DGKB: variants seen among roughly 807,000 people sequenced by gnomAD.
DGKB encodes the protein 90 kDa diacylglycerol kinase.
A neutral mutation model predicts 114.3 loss-of-function variants in DGKB; 67 were observed. The observed-to-expected ratio is 0.59, with a 90% CI of 0.48 to 0.72. The LOEUF (loss-of-function observed/expected upper bound fraction) is 0.72, where lower values mean the gene tolerates loss of function less well. Among genes scored for constraint, DGKB ranks in the 30% least tolerant of loss-of-function variants. The pLI is 0.00. For synonymous variants in DGKB, 398 were observed against 323.1 expected (o/e 1.23, Z -2.49); for missense variants, 907 against 975.2 (o/e 0.93, Z 0.93).
At chr7:14,361,921 G>C (rs1325071347) in intron 21 of DGKB, among the ~76,000 whole-genome samples, 1 of 151,846 alleles carries the variant, frequency 6.6e-6, no homozygotes, top group Admixed American at 6.6e-5. Flanking sequence ...ATTTTAAAAA[G>C]ACCTGTATTT....
intron 23 of DGKB, among the ~76,000 whole-genome samples, chr7:14,308,910 T>C (rs972811645): frequency 3.3e-5 from 5 of 152,208 alleles, no homozygotes; most frequent in African/African-American, 1.2e-4. Flanking sequence ...TCTGAGTTTC[T>C]TCAGCTTCGA....
chr7:14,250,376 TC>T (rs1305728653), intron 23 of DGKB, among the ~76,000 whole-genome samples: 2 of 152,102 alleles, frequency 1.3e-5, no homozygotes, highest in Non-Finnish European at 2.9e-5. Context: ...CTCAATATAT[TC>T]TTTAATTTAC....
chr7:14,472,479 G>A (rs1781564340), intron 21 of DGKB, among the ~76,000 whole-genome samples: 1 of 152,086 alleles, frequency 6.6e-6, no homozygotes. Context: ...TTTGTAAATT[G>A]TCCAATCTCT....
intron 23 of DGKB, among the ~76,000 whole-genome samples, chr7:14,223,122 A>G (rs1021789311): frequency 6.6e-6 from 1 of 151,682 alleles, no homozygotes; most frequent in East Asian, 1.9e-4. Context: ...TATTTAATCC[A>G]TTCACACTTA....
chr7:14,374,876 A>T (rs758399595), intron 21 of DGKB, among the ~76,000 whole-genome samples: 4 of 152,070 alleles, frequency 2.6e-5, no homozygotes, highest in African/African-American at 4.8e-5. Flanking sequence ...ATGCCTCCAG[A>T]TATTGCCGAA....
chr7:14,580,818 G>T, intron 19 of DGKB, 44 bp downstream of exon 19: 1 of 1,311,992 alleles, frequency 7.6e-7, no homozygotes, highest in Non-Finnish European at 1.1e-6. Flanking sequence ...AAGGGAAAGG[G>T]GTGTTGTGTA....
intron 20 of DGKB, among the ~76,000 whole-genome samples, chr7:14,554,123 C>T (rs1795535069): frequency 1.3e-5 from 2 of 152,018 alleles, no homozygotes; most frequent in South Asian, 2.1e-4. Flanking sequence ...CTGCCCACCT[C>T]GGCCTCCCAA....
At chr7:14,240,798 A>C (rs1470267960) in intron 23 of DGKB, among the ~76,000 whole-genome samples, 1 of 152,152 alleles carries the variant, frequency 6.6e-6, no homozygotes, top group Non-Finnish European at 1.5e-5. Context: ...GTGACAGTAA[A>C]TGGTTACAGT....
intron 23 of DGKB, among the ~76,000 whole-genome samples, chr7:14,214,446 G>A (rs1370861568): frequency 1.3e-5 from 2 of 151,910 alleles, no homozygotes; most frequent in Non-Finnish European, 2.9e-5. Context: ...ATCTGCTTTG[G>A]TTGTAAACTG....
At chr7:14,911,408 A>G (rs989053850) in intron 1 of DGKB, among the ~76,000 whole-genome samples, 1 of 152,174 alleles carries the variant, frequency 6.6e-6, no homozygotes, top group African/African-American at 2.4e-5. Context: ...TTAATTATAC[A>G]GTATATTTAT....
At chr7:14,372,920 T>C (rs1286978301) in intron 21 of DGKB, among the ~76,000 whole-genome samples, 1 of 152,168 alleles carries the variant, frequency 6.6e-6, no homozygotes, top group Non-Finnish European at 1.5e-5. Flanking sequence ...CTGACAAATA[T>C]TTCCATTTTC....
At chr7:14,871,555 G>A (rs552083903) in intron 1 of DGKB, among the ~76,000 whole-genome samples, 2 of 152,204 alleles carry the variant, frequency 1.3e-5, no homozygotes, top group African/African-American at 2.4e-5. Context: ...CTCTGGTATG[G>A]GGATGCTAAT....
intron 19 of DGKB, among the ~76,000 whole-genome samples, chr7:14,579,069 C>A (rs142275385): frequency 3.9e-5 from 6 of 152,252 alleles, no homozygotes; most frequent in South Asian, 2.1e-4. Flanking sequence ...CTCAGAGAGA[C>A]CTTCTTGGCC....
At chr7:14,439,215 A>G (rs1421026828) in intron 21 of DGKB, among the ~76,000 whole-genome samples, 7 of 152,096 alleles carry the variant, frequency 4.6e-5, no homozygotes, top group Admixed American at 4.6e-4. Context: ...GTATTAGCTA[A>G]TGTCATCAGT....
Position 14,170,201 on chromosome 7 carries a change from G to GAAAGAAAT in DGKB, c.2304+6637_2304+6638insATTTCTTT, listed in dbSNP as rs1554272246. On this transcript the variant is annotated intron_variant, in intron 25 of 25. Coordinates refer to ENST00000402815, the MANE Select transcript of DGKB (RefSeq NM_001350709.2). ...AGAAAGAAAGAAAGAAAGAAAGAAA[G>GAAAGAAAT]AAATACATTAAGCCTCTGAAGAGTG... 6.9e-4 allele frequency among the ~76,000 whole-genome samples: 98 copies of GAAAGAAAT among 142,734 alleles called. 1 individual carries two copies. The highest frequency in any genetic ancestry group is 1.7e-3 in the Admixed American group (24 of 14,308). 93.6% of individuals were successfully genotyped at this position (142,734 alleles called of 152,430 possible).
In DGKB at chr7:14,670,460, G is replaced by A. The variant is rs190515607; in HGVS notation, c.1134+2469C>T. Among the ~76,000 whole-genome samples, 136 of 151,944 alleles carry A rather than the reference G, an allele frequency of 9.0e-4. 1 individual carries two copies. Among genetic ancestry groups the A allele is most frequent in the Non-Finnish European group, 4.0e-4 (27 of 67,960 alleles). On this transcript the variant is annotated intron_variant, in intron 13 of 25. Transcript: ENST00000402815. The stretch of plus-strand genomic sequence containing the variant: ...TGGGATTACAGGTGCCTGCCACCAC[G>A]TACAGCTAAATTTTTGTATGTTTAG...
At chr7:14,628,298 A>G (rs1809009109) in intron 14 of DGKB, among the ~76,000 whole-genome samples, 1 of 111,706 alleles carries the variant, frequency 9.0e-6, no homozygotes, top group Non-Finnish European at 2.1e-5. Flanking sequence ...AGACAAAATA[A>G]CACAAGTTAT....
At chr7:14,753,044 T>C (rs539530027) in intron 4 of DGKB, among the ~76,000 whole-genome samples, 1 of 152,284 alleles carries the variant, frequency 6.6e-6, no homozygotes, top group African/African-American at 2.4e-5. Flanking sequence ...AATGTCTCTT[T>C]ATAGAATATT....
chr7:14,531,050 C>A (rs538675669), intron 20 of DGKB, among the ~76,000 whole-genome samples: 4 of 151,570 alleles, frequency 2.6e-5, no homozygotes, highest in Admixed American at 1.3e-4. Flanking sequence ...TTCTACATTT[C>A]TATATTAGAA....
Sources: allele counts gnomAD v4.1 joint callset (sites outside exome capture counted in the v4.1 genomes callset), GRCh38; gene constraint gnomAD v4.1.1; transcripts MANE v1.5; gene names NCBI Gene and HGNC (gene_info 2026-07-23, HGNC 2026-07-21).